The following C3orf49 variants were observed in gnomAD, a reference collection of about 807,000 sequenced individuals.
The protein encoded by C3orf49 is chromosome 3 open reading frame 49.
Under a neutral mutation model 13.3 loss-of-function variants are expected in C3orf49, and 27 were observed. The observed-to-expected ratio is 2.02, with a 90% confidence interval of 1.49 to 2.79. The LOEUF (loss-of-function observed/expected upper bound fraction) is 2.79. C3orf49 is among the 30% of genes most tolerant of loss of function. The pLI is 0.00. For synonymous variants in C3orf49, 87 were observed against 47.6 expected (o/e 1.83, Z -3.40); for missense variants, 242 against 134.2 (o/e 1.80, Z -3.97).
intron 5 of C3orf49, among the ~76,000 whole-genome samples, chr3:63,844,514 A>G (rs1701844510): frequency 1.3e-5 from 2 of 152,208 alleles, no homozygotes; most frequent in Non-Finnish European, 2.9e-5. Context: ...CATAAAAAAG[A>G]AGGAAGTTTA....
chr3:63,808,130 CT>C, the C3orf49 span, among the ~76,000 whole-genome samples: 76 of 152,132 alleles, frequency 5.0e-4, no homozygotes, highest in Non-Finnish European at 1.2e-4. Context: ...CTCATCTTCT[CT>C]GAGGCTAGAA....
chr3:63,838,141 T>A, intron 5 of C3orf49: 1 of 1,326,356 alleles, frequency 7.5e-7, no homozygotes, highest in Non-Finnish European at 1.0e-6. Flanking sequence ...ATTTATAAAT[T>A]AACCTCTATT....
the C3orf49 span, among the ~76,000 whole-genome samples, chr3:63,808,775 C>T: frequency 6.6e-6 from 1 of 152,048 alleles, no homozygotes; most frequent in East Asian, 1.9e-4. Flanking sequence ...TCATACCTAC[C>T]CCTTCACTCC....
chr3:63,834,053 A>C (rs977253765), intron 5 of C3orf49: 3 of 1,427,832 alleles, frequency 2.1e-6, no homozygotes, highest in Non-Finnish European at 2.9e-6. Context: ...TAAATATCTC[A>C]AGAGCATACC....
intron 6 of C3orf49, chr3:63,846,178 CTAAA>C: frequency 2.2e-6 from 1 of 449,656 alleles, no homozygotes; most frequent in Non-Finnish European, 4.5e-6. Context: ...CAATCTACTA[CTAAA>C]TATTCAGTCT....
the C3orf49 span, among the ~76,000 whole-genome samples, chr3:63,792,449 A>G: frequency 6.6e-6 from 1 of 152,242 alleles, no homozygotes. Flanking sequence ...AAACTAAATG[A>G]TATTTCATCA....
chr3:63,809,281 T>G, the C3orf49 span, among the ~76,000 whole-genome samples: 1,567 of 152,316 alleles, frequency 0.01, 21 homozygotes, highest in African/African-American at 0.034. Flanking sequence ...AGCATAGCCT[T>G]GCCAACACTT....
the C3orf49 span, among the ~76,000 whole-genome samples, chr3:63,799,926 C>A: frequency 2.8e-4 from 43 of 152,248 alleles, no homozygotes; most frequent in African/African-American, 9.9e-4. Flanking sequence ...TGGATTCTTT[C>A]TCTACCTGTG....
intron 1 of C3orf49, among the ~76,000 whole-genome samples, chr3:63,822,054 C>A (rs553739110): frequency 1.3e-5 from 2 of 152,158 alleles, no homozygotes; most frequent in South Asian, 2.1e-4. Flanking sequence ...CGGCTCACTG[C>A]AAGCTCTGCC....
At chr3:63,812,577 T>C in the C3orf49 span, among the ~76,000 whole-genome samples, 1 of 152,258 alleles carries the variant, frequency 6.6e-6, no homozygotes, top group Non-Finnish European at 1.5e-5. Flanking sequence ...TCATTTATCC[T>C]TATTTTACTT....
At chr3:63,794,106 G>A in the C3orf49 span, among the ~76,000 whole-genome samples, 2 of 151,738 alleles carry the variant, frequency 1.3e-5, no homozygotes, top group South Asian at 2.1e-4. Context: ...AGTGAACTAC[G>A]ATCATGCCAC....
chr3:63,797,506 G>A, the C3orf49 span, among the ~76,000 whole-genome samples: 100 of 152,196 alleles, frequency 6.6e-4, no homozygotes, highest in Middle Eastern at 0.031. Context: ...TTACAAAAGT[G>A]TAGGACTACC....
At chr3:63,831,920 C>T (rs945110005) in intron 5 of C3orf49, 76 bp downstream of exon 5, 33 of 638,360 alleles carry the variant, frequency 5.2e-5, no homozygotes, top group Admixed American at 3.8e-4. Flanking sequence ...CTAGGCTGGC[C>T]GTGGTGGCTC....
At chr3:63,781,005 T>C in the C3orf49 span, among the ~76,000 whole-genome samples, 4 of 151,476 alleles carry the variant, frequency 2.6e-5, no homozygotes, top group African/African-American at 9.7e-5. Context: ...TAGATCCCAT[T>C]TGTCAATTTT....
At chr3:63,823,703 G>A (rs1452829228) in intron 2 of C3orf49, 134 bp downstream of exon 2, 1 of 596,466 alleles carries the variant, frequency 1.7e-6, no homozygotes. Flanking sequence ...GCCCTACCTG[G>A]GACCTTCTGA....
the C3orf49 span, among the ~76,000 whole-genome samples, chr3:63,785,216 C>T: frequency 8.6e-5 from 13 of 151,548 alleles, no homozygotes; most frequent in South Asian, 4.2e-4. Flanking sequence ...GGACTACATG[C>T]GCCCGCCACC....
intron 5 of C3orf49, 51 bp from the exon 6 acceptor site, chr3:63,844,972 A>C (rs564130113): frequency 8.1e-5 from 53 of 658,014 alleles, no homozygotes; most frequent in African/African-American, 7.2e-4. Context: ...TAGAATCATA[A>C]ATAAAGACAA....
chr3:63,814,747 C>T (rs527640999), upstream of C3orf49, among the ~76,000 whole-genome samples: 5 of 152,146 alleles, frequency 3.3e-5, no homozygotes, highest in South Asian at 8.3e-4. Flanking sequence ...TCCACTGTTC[C>T]CCCTTTAGTT....
At chr3:63,818,987 G>A (rs916529418), upstream of C3orf49, among the ~76,000 whole-genome samples, 1 of 152,238 alleles carries the variant, frequency 6.6e-6, no homozygotes, top group Non-Finnish European at 1.5e-5. Context: ...TCTAACAGAA[G>A]CTCAACTTGT....
Sources: gnomAD v4.1 joint callset for allele counts (sites outside exome capture counted in the v4.1 genomes callset) on GRCh38, gnomAD v4.1.1 for gene constraint, MANE v1.5 for transcripts, NCBI Gene and HGNC (gene_info 2026-07-23, HGNC 2026-07-21) for gene names.